The following MED13L variants were observed in gnomAD, a reference collection of about 807,000 sequenced individuals.
MED13L encodes the protein mediator complex subunit 13L.
A neutral mutation model predicts 220.9 loss-of-function variants in MED13L; 7 were observed. The ratio of observed to expected loss-of-function variants is 0.03; its 90% CI spans 0.02 to 0.06. MED13L has a LOEUF of 0.06. Ranked by LOEUF, MED13L falls within the 10% of genes least tolerant of loss-of-function variation. MED13L has a pLI of 1.00. For missense variants in MED13L, 1,965 were observed against 2,760.5 expected (o/e 0.71, Z 6.46); for synonymous variants, 1,011 against 1,015.2 (o/e 1.00, Z 0.08).
chr12:116,108,090 AAAAC>A (rs1334930524), intron 3 of MED13L, among the ~76,000 whole-genome samples: 77 of 151,988 alleles, frequency 5.1e-4, no homozygotes, highest in Non-Finnish European at 8.4e-4. Context: ...ACTCCATCTC[AAAAC>A]AAACAAACAA....
intron 4 of MED13L, among the ~76,000 whole-genome samples, chr12:116,029,833 A>T (rs1487616208): frequency 6.6e-6 from 1 of 152,212 alleles, no homozygotes; most frequent in Non-Finnish European, 1.5e-5. Flanking sequence ...GGCTTTCCAC[A>T]AAGAAAGAAC....
intron 25 of MED13L, chr12:115,972,495 C>T: frequency 2.2e-6 from 1 of 456,052 alleles, no homozygotes; most frequent in Non-Finnish European, 4.1e-6. Flanking sequence ...CAGCACTAAT[C>T]CAGTCTAATC....
intron 3 of MED13L, among the ~76,000 whole-genome samples, chr12:116,104,773 T>C (rs1046669385): frequency 2.8e-4 from 42 of 152,212 alleles, no homozygotes; most frequent in African/African-American, 9.4e-4. Flanking sequence ...GAAATTAACA[T>C]ATATTTTATT....
At chr12:116,086,778 T>C (rs1426222125) in intron 4 of MED13L, among the ~76,000 whole-genome samples, 2 of 152,194 alleles carry the variant, frequency 1.3e-5, no homozygotes, top group Non-Finnish European at 2.9e-5. Context: ...CATATTGTTA[T>C]AATATACATT....
intron 6 of MED13L, 131 bp downstream of exon 6, chr12:116,019,647 C>T (rs1879935472): frequency 8.5e-7 from 1 of 1,180,680 alleles, no homozygotes; most frequent in Non-Finnish European, 1.2e-6. Context: ...TCAGTACATA[C>T]CATTGTGTCA....
intron 2 of MED13L, among the ~76,000 whole-genome samples, chr12:116,217,027 T>C (rs1332926783): frequency 2.0e-5 from 3 of 152,236 alleles, no homozygotes; most frequent in Non-Finnish European, 2.9e-5. Flanking sequence ...GCTGAATACT[T>C]TGACTTTTTT....
chr12:116,204,651 TCA>T (rs1298687664), intron 2 of MED13L, among the ~76,000 whole-genome samples: 6 of 152,216 alleles, frequency 3.9e-5, no homozygotes, highest in African/African-American at 1.4e-4. Flanking sequence ...ATTCTTGATC[TCA>T]CTCTCCATTA....
chr12:116,182,027 G>C (rs866469322), intron 2 of MED13L, among the ~76,000 whole-genome samples: 2 of 152,226 alleles, frequency 1.3e-5, no homozygotes, highest in South Asian at 2.1e-4. Flanking sequence ...TGTGGAACTG[G>C]AAAACTCCAC....
Position 116,237,487 on chromosome 12 carries a change from T to C in MED13L, c.291A>G (p.Val97=). The stretch of plus-strand genomic sequence containing the variant: ...CCTTACCCTGCAGTTCATGATGTAT[T>C]ACACCCACTAGGTTGGGTTCATCTC... ...WWGDEPNLVG[V]IHHELQVVEE... The change falls in exon 2 of 31, where the codon GTA becomes GTG. Residue 97 remains valine, a synonymous_variant. Transcript: ENST00000281928. 2 of 1,613,088 alleles carry C rather than the reference T, an allele frequency of 1.2e-6. No individual in the cohort carries two copies. The highest frequency in any genetic ancestry group is 2.2e-5 in the East Asian group (1 of 44,884).
At chr12:116,076,253 G>A (rs188718491) in intron 4 of MED13L, among the ~76,000 whole-genome samples, 115 of 152,208 alleles carry the variant, frequency 7.6e-4, no homozygotes, top group Admixed American at 2.4e-3. Context: ...GCACTTAATG[G>A]GGGCCAAGCA....
rs551610972 is a variant in MED13L at position 116,099,426 on chromosome 12, G to A, written c.396-2674C>T. Among the ~76,000 whole-genome samples, 6 of 152,156 alleles carry A rather than the reference G, an allele frequency of 3.9e-5. No individual in the cohort carries two copies. The East Asian group carries it at 1.2e-3, about 29-fold the overall frequency. Reference sequence around the variant, plus strand: ...CGGCACGTAACAGGTATGGAGTCACGTCAAACACTGAACAGTCTTCCAGTA... The same window carrying A: ...CGGCACGTAACAGGTATGGAGTCACATCAAACACTGAACAGTCTTCCAGTA... On this transcript the variant is annotated intron_variant, in intron 3 of 30. Transcript: ENST00000281928.
chr12:116,049,398 T>C (rs1212509660), intron 4 of MED13L, among the ~76,000 whole-genome samples: 1 of 152,334 alleles, frequency 6.6e-6, no homozygotes, highest in Admixed American at 6.5e-5. Context: ...CAAATAAGCA[T>C]GGATCTTCTT....
intron 4 of MED13L, among the ~76,000 whole-genome samples, chr12:116,061,095 CTTAG>C (rs1869438716): frequency 1.3e-5 from 2 of 152,162 alleles, no homozygotes; most frequent in Admixed American, 6.5e-5. Context: ...AGGAAACTAA[CTTAG>C]TAAGACTATA....
At chr12:116,173,427 T>C (rs1565912234) in intron 2 of MED13L, among the ~76,000 whole-genome samples, 1 of 152,116 alleles carries the variant, frequency 6.6e-6, no homozygotes, top group Admixed American at 6.6e-5. Flanking sequence ...AGGACATAGA[T>C]AGGACTTACT....
intron 19 of MED13L, among the ~76,000 whole-genome samples, chr12:115,984,629 C>T (rs547423170): frequency 6.6e-6 from 1 of 152,266 alleles, no homozygotes; most frequent in South Asian, 2.1e-4. Flanking sequence ...CAAGCCAATT[C>T]CTCCTGTACA....
chr12:116,260,266 C>T lies in MED13L; in HGVS notation c.72+16794G>A, dbSNP rs116612546. On this transcript the variant is annotated intron_variant, in intron 1 of 30. Coordinates refer to ENST00000281928, the MANE Select transcript of MED13L (RefSeq NM_015335.5). ...TACAGCCAATCTACAATGGATAGTA[C>T]ACGCTGTGCCAATAAGTGCACTCAG... Among the ~76,000 whole-genome samples, 243 of 152,318 alleles carry T rather than the reference C, an allele frequency of 1.6e-3. 1 individual carries two copies. Among genetic ancestry groups the T allele is most frequent in the African/African-American group, 5.5e-3 (229 of 41,574 alleles).
chr12:116,263,380 C>A (rs1203080780), intron 1 of MED13L, among the ~76,000 whole-genome samples: 1 of 152,078 alleles, frequency 6.6e-6, no homozygotes, highest in Non-Finnish European at 1.5e-5. Context: ...AATTGAAAAA[C>A]AGAAATAATA....
intron 2 of MED13L, among the ~76,000 whole-genome samples, chr12:116,186,297 G>C (rs1400889200): frequency 6.6e-6 from 1 of 152,132 alleles, no homozygotes; most frequent in African/African-American, 2.4e-5. Context: ...CACATCTGCT[G>C]AATGAAAATA....
intron 2 of MED13L, among the ~76,000 whole-genome samples, chr12:116,179,690 C>T (rs201522709): frequency 1.3e-5 from 2 of 148,296 alleles, no homozygotes; most frequent in South Asian, 4.3e-4. Context: ...AGTGAATAAC[C>T]TTTTTTTTTT....
Sources: allele counts gnomAD v4.1 joint callset (sites outside exome capture counted in the v4.1 genomes callset), GRCh38; gene constraint gnomAD v4.1.1; transcripts MANE v1.5; gene names NCBI Gene and HGNC (gene_info 2026-07-23, HGNC 2026-07-21).